Variants in AOPEP observed in about 807,000 individuals in gnomAD.
AOPEP encodes the protein aminopeptidase O (putative), also known as aminopeptidase O.
Under a neutral mutation model 98.1 loss-of-function variants are expected in AOPEP, and 77 were observed. That is an observed-to-expected ratio of 0.78 (90% CI 0.65 to 0.95). The LOEUF is 0.95. Ranked by LOEUF, AOPEP falls within the 40% of genes least tolerant of loss-of-function variation. AOPEP has a pLI of 0.00. For missense variants in AOPEP, 1,024 were observed against 1,024.7 expected (o/e 1.00, Z 0.01); for synonymous variants, 346 against 365.3 (o/e 0.95, Z 0.60).
chr9:94,733,105 C>CTTTTTTT lies in AOPEP; in HGVS notation c.-136+6367_-136+6373dup, dbSNP rs537104658. 4.2e-4 allele frequency among the ~76,000 whole-genome samples: 54 copies of CTTTTTTT among 128,920 alleles called. 1 individual carries two copies. The highest frequency in any genetic ancestry group is 5.7e-4 in the Admixed American group (7 of 12,386). The allele number at this position is 128,920 out of a possible 152,430, so 84.6% of individuals were successfully genotyped here. On this transcript the variant is annotated intron_variant, in intron 1 of 16. Transcript: ENST00000375315. The stretch of plus-strand genomic sequence containing the variant: ...TGCTGTGTTTAATCATTTTCTTTCT[C>CTTTTTTT]TTTTTTTTTTTTTTTTTTTGAGACA...
At chr9:94,917,978 C>T (rs143160752) in intron 5 of AOPEP, among the ~76,000 whole-genome samples, 126 of 152,246 alleles carry the variant, frequency 8.3e-4, no homozygotes, top group African/African-American at 2.9e-3. Context: ...ATCGGTTTCC[C>T]CATCTCATTC....
intron 14 of AOPEP, among the ~76,000 whole-genome samples, chr9:95,073,870 A>C (rs2068766338): frequency 6.6e-6 from 1 of 152,204 alleles, no homozygotes; most frequent in Non-Finnish European, 1.5e-5. Flanking sequence ...AAAACAAAAA[A>C]CAAAGAATAA....
intron 13 of AOPEP, among the ~76,000 whole-genome samples, chr9:95,040,076 G>A (rs1197900714): frequency 3.3e-5 from 5 of 152,226 alleles, no homozygotes; most frequent in African/African-American, 1.2e-4. Context: ...AGCAGCAAGA[G>A]GTTACAGGTG....
chr9:95,080,815 A>G (rs201129347), intron 15 of AOPEP, 35 bp downstream of exon 15: 247 of 1,412,962 alleles, frequency 1.7e-4, no homozygotes, highest in South Asian at 4.6e-5. Context: ...GGGATTCTGT[A>G]AAGGCTGTCC....
chr9:95,049,723 G>C (rs1268204156), intron 13 of AOPEP, among the ~76,000 whole-genome samples: 1 of 152,102 alleles, frequency 6.6e-6, no homozygotes, highest in African/African-American at 2.4e-5. Context: ...ATTTCCTGAA[G>C]TCTTGCATAC....
chr9:95,016,327 C>G (rs1003745126), intron 13 of AOPEP, among the ~76,000 whole-genome samples: 2 of 147,278 alleles, frequency 1.4e-5, no homozygotes, highest in African/African-American at 2.5e-5. Context: ...ACTGCAACGT[C>G]AGCCTCCCGG....
At chr9:95,150,169 G>A in the AOPEP span, 14 of 1,469,740 alleles carry the variant, frequency 9.5e-6, no homozygotes, top group Non-Finnish European at 1.3e-5. Context: ...ATGCTAAAAA[G>A]GTCAAAGACA....
At chr9:94,860,527 A>G (rs1037743558) in intron 5 of AOPEP, among the ~76,000 whole-genome samples, 2 of 152,156 alleles carry the variant, frequency 1.3e-5, no homozygotes, top group South Asian at 2.1e-4. Context: ...TGTGGCCGCA[A>G]TCCAGGCAGG....
chr9:94,895,414 G>GAAAAAAA (rs5899235), intron 5 of AOPEP, among the ~76,000 whole-genome samples: 1 of 57,530 alleles, frequency 1.7e-5, no homozygotes, highest in African/African-American at 4.7e-5. Context: ...ACACAAAAAG[G>GAAAAAAA]AAAAAAAAAA....
chr9:95,087,876 CCA>C, downstream of AOPEP, among the ~76,000 whole-genome samples: 1 of 152,340 alleles, frequency 6.6e-6, no homozygotes, highest in Non-Finnish European at 1.5e-5. Flanking sequence ...CTGAACACAC[CCA>C]CAGTCTCCTC....
At chr9:94,815,981 G>A (rs1054730996) in intron 5 of AOPEP, among the ~76,000 whole-genome samples, 2 of 152,144 alleles carry the variant, frequency 1.3e-5, no homozygotes, top group Non-Finnish European at 1.5e-5. Flanking sequence ...CTTATAAAGT[G>A]TGTCCCTAGT....
At position 94,902,168 on chromosome 9, in the gene AOPEP, C is replaced by T. The variant is rs150473530; in HGVS notation, c.1365-21818C>T. Among the ~76,000 whole-genome samples the T allele has an allele frequency of 1.0e-2, 1,519 of 152,166 alleles. 13 individuals are homozygous for T. Among genetic ancestry groups the T allele is most frequent in the Middle Eastern group, 0.017 (5 of 294 alleles). ...AGTGTTTAAGCAGGGAGGAAAAACA[C>T]GGTTTAGCTTTCCAGTGAGTATGTC... On this transcript the variant is annotated intron_variant, in intron 5 of 16. Transcript: ENST00000375315.
intron 13 of AOPEP, among the ~76,000 whole-genome samples, chr9:95,032,822 A>T (rs1259131484): frequency 6.6e-6 from 1 of 152,230 alleles, no homozygotes; most frequent in African/African-American, 2.4e-5. Context: ...AAACAGCCTC[A>T]TCAGTGATGT....
At chr9:94,927,519 C>G (rs534045724) in intron 6 of AOPEP, among the ~76,000 whole-genome samples, 1 of 152,138 alleles carries the variant, frequency 6.6e-6, no homozygotes, top group African/African-American at 2.4e-5. Flanking sequence ...GTGCTCTTCC[C>G]GAAATCCCTC....
intron 3 of AOPEP, among the ~76,000 whole-genome samples, chr9:94,792,437 A>C (rs2133458717): frequency 6.6e-6 from 1 of 152,124 alleles, no homozygotes; most frequent in East Asian, 1.9e-4. Flanking sequence ...GATGAATGAG[A>C]CGTATTCTGT....
At chr9:95,092,022 A>T (rs1477754959), downstream of AOPEP, among the ~76,000 whole-genome samples, 3 of 151,896 alleles carry the variant, frequency 2.0e-5, no homozygotes, top group African/African-American at 7.3e-5. Flanking sequence ...GTGGCCTGAG[A>T]GAGTTGCTGA....
chr9:94,929,670 T>G (rs2054973924), intron 7 of AOPEP, among the ~76,000 whole-genome samples: 1 of 152,220 alleles, frequency 6.6e-6, no homozygotes. Context: ...CAATGCTGAT[T>G]GATCCAGGCA....
rs774103109 is a variant in AOPEP at position 94,818,483 on chromosome 9, A to G, written c.1364+17481A>G. 5.3e-5 allele frequency among the ~76,000 whole-genome samples: 8 copies of G among 152,318 alleles called. No individual in the cohort carries two copies. The East Asian group carries it at 9.6e-4, about 18-fold the overall frequency. On this transcript the variant is annotated intron_variant, in intron 5 of 16. Transcript: ENST00000375315. ...AGAGTTGTTGGTCCACATTCCTTACATTGTACACATTGGAATTTCTCCGTT... is the reference window on the plus strand; with the variant it reads ...AGAGTTGTTGGTCCACATTCCTTACGTTGTACACATTGGAATTTCTCCGTT...
chr9:94,964,230 G>T (rs1290940965), intron 9 of AOPEP, among the ~76,000 whole-genome samples: 2 of 152,208 alleles, frequency 1.3e-5, no homozygotes, highest in African/African-American at 4.8e-5. Context: ...CCAGCTCACT[G>T]CTCTGTTGCC....
Sources: gnomAD v4.1 joint callset for allele counts (sites outside exome capture counted in the v4.1 genomes callset) on GRCh38, gnomAD v4.1.1 for gene constraint, MANE v1.5 for transcripts, NCBI Gene and HGNC (gene_info 2026-07-23, HGNC 2026-07-21) for gene names.